FAM53A: variants seen among roughly 807,000 people sequenced by gnomAD.
FAM53A encodes the protein family with sequence similarity 53 member A.
A neutral mutation model predicts 26.6 loss-of-function variants in FAM53A; 28 were observed. That is an observed-to-expected ratio of 1.05 (90% CI 0.78 to 1.45). FAM53A has a LOEUF of 1.45. FAM53A is among the 40% of genes most tolerant of loss of function. The probability of loss-of-function intolerance (pLI) is 0.00; values close to 1 mark genes in which losing one functional copy is unlikely to be tolerated. For missense variants in FAM53A, 650 were observed against 575.8 expected, an observed-to-expected ratio of 1.13 and a Z score of -1.32; for synonymous variants, 290 against 253.1, an observed-to-expected ratio of 1.15 and a Z score of -1.38.
the FAM53A span, among the ~76,000 whole-genome samples, chr4:1,589,457 T>C: frequency 3.9e-5 from 6 of 152,184 alleles, no homozygotes. Flanking sequence ...TGCTTGCCCA[T>C]AAAATGAGGT....
chr4:1,676,475 T>C (rs1194933416), intron 1 of FAM53A, among the ~76,000 whole-genome samples: 2 of 152,198 alleles, frequency 1.3e-5, no homozygotes, highest in East Asian at 1.9e-4. Flanking sequence ...CATGTGACTG[T>C]TGGGGCCGGA....
At chr4:1,584,506 A>C in the FAM53A span, among the ~76,000 whole-genome samples, 1 of 152,266 alleles carries the variant, frequency 6.6e-6, no homozygotes, top group Non-Finnish European at 1.5e-5. Flanking sequence ...CACATTTTTG[A>C]GCATGAGTAA....
At chr4:1,606,350 T>C in the FAM53A span, among the ~76,000 whole-genome samples, 16 of 152,030 alleles carry the variant, frequency 1.1e-4, no homozygotes, top group Non-Finnish European at 2.2e-4. Context: ...CGGCCTCCTA[T>C]GACTCTTACT....
intron 1 of FAM53A, among the ~76,000 whole-genome samples, chr4:1,679,288 G>A (rs966497481): frequency 1.4e-5 from 2 of 148,010 alleles, no homozygotes; most frequent in Admixed American, 6.9e-5. Context: ...TCAGGAGGTC[G>A]AAGTAGAAGA....
chr4:1,596,765 G>C, the FAM53A span, among the ~76,000 whole-genome samples: 2 of 152,176 alleles, frequency 1.3e-5, no homozygotes, highest in African/African-American at 4.8e-5. Flanking sequence ...TCCTTTAAAA[G>C]GGGGAAAGAC....
chr4:1,579,885 C>G, the FAM53A span, among the ~76,000 whole-genome samples: 1 of 152,242 alleles, frequency 6.6e-6, no homozygotes, highest in Non-Finnish European at 1.5e-5. Context: ...CGTAAACTTC[C>G]TCCTAACAGC....
rs753838682 is a variant in FAM53A at position 1,630,921 on chromosome 4, C to T, written c.432-12810G>A. Among the ~76,000 whole-genome samples the T allele has an allele frequency of 7.2e-5, 11 of 152,192 alleles. No homozygotes were observed. The highest frequency in any genetic ancestry group is 1.0e-4 in the Non-Finnish European group (7 of 68,024). ...GGCTGGGCACCATGGCACGCGCCTG[C>T]AGTCCCAGCACTTTGGGAGGGTGAG... On this transcript the variant is annotated intron_variant, in intron 1 of 1. Coordinates refer to the FAM53A transcript ENST00000489029. This position sits in a 1 kb window ranked among gnomAD's most constrained non-coding sequence, Gnocchi z 4.3.
At chr4:1,575,509 G>C in the FAM53A span, among the ~76,000 whole-genome samples, 3 of 152,170 alleles carry the variant, frequency 2.0e-5, no homozygotes. Context: ...CCTGACAGAG[G>C]GGTGGCCTGG....
chr4:1,589,687 T>C, the FAM53A span, among the ~76,000 whole-genome samples: 1 of 152,204 alleles, frequency 6.6e-6, no homozygotes, highest in Non-Finnish European at 1.5e-5. Context: ...GTATTCGTTT[T>C]ATTTGGGCTT....
At chr4:1,652,390 C>A (rs1712924223) in intron 4 of FAM53A, among the ~76,000 whole-genome samples, 1 of 76,304 alleles carries the variant, frequency 1.3e-5, no homozygotes, top group African/African-American at 4.0e-5. Context: ...ACATCACATG[C>A]ACACCACACA....
chr4:1,606,169 G>A, the FAM53A span, among the ~76,000 whole-genome samples: 1 of 151,668 alleles, frequency 6.6e-6, no homozygotes, highest in Non-Finnish European at 1.5e-5. Flanking sequence ...CTCCTGAGTA[G>A]CTGGGACTAC....
At chr4:1,626,002 C>T (rs944134120) in intron 1 of FAM53A, among the ~76,000 whole-genome samples, 8 of 152,208 alleles carry the variant, frequency 5.3e-5, no homozygotes, top group African/African-American at 1.9e-4. Flanking sequence ...TCTGCAGAGC[C>T]TTCCAGGAGG....
intron 2 of FAM53A, among the ~76,000 whole-genome samples, chr4:1,664,251 TAC>T (rs1714062796): frequency 6.6e-6 from 1 of 152,214 alleles, no homozygotes; most frequent in Non-Finnish European, 1.5e-5. Flanking sequence ...GTGAGATATT[TAC>T]AGAGAAAGTA....
At chr4:1,576,048 G>A in the FAM53A span, among the ~76,000 whole-genome samples, 2 of 152,324 alleles carry the variant, frequency 1.3e-5, no homozygotes, top group Non-Finnish European at 2.9e-5. Context: ...GGCCTATGCG[G>A]TGAGTCCACC....
chr4:1,629,824 C>G (rs1398032316), intron 1 of FAM53A, among the ~76,000 whole-genome samples: 2 of 152,190 alleles, frequency 1.3e-5, no homozygotes, highest in Admixed American at 1.3e-4. Context: ...TGGGCCCACC[C>G]CGGCCCACCC....
At chr4:1,637,191 G>C (rs187967337), downstream of FAM53A, among the ~76,000 whole-genome samples, 1 of 152,096 alleles carries the variant, frequency 6.6e-6, no homozygotes. Flanking sequence ...ATGCTCGGGT[G>C]GGGGGTGGGG....
rs148225107 is a variant in FAM53A, at chr4:1,673,123, G to A, written c.-164-4218C>T. On this transcript the variant is annotated intron_variant, in intron 1 of 4. Coordinates refer to ENST00000308132, the MANE Select transcript of FAM53A (RefSeq NM_001174070.3). ...GAAATGTCAGACAATCTCAAAACAG[G>A]CCAACTCTACAAAATGACCAGCCAG... Among the ~76,000 whole-genome samples the A allele has an allele frequency of 3.9e-5, 6 of 152,256 alleles. No individual in the cohort carries two copies. In the East Asian group the frequency reaches 1.2e-3, roughly 29 times the overall value.
At chr4:1,578,662 A>T in the FAM53A span, among the ~76,000 whole-genome samples, 1 of 146,596 alleles carries the variant, frequency 6.8e-6, no homozygotes, top group South Asian at 2.2e-4. Context: ...CGACCCCCCT[A>T]CCCCGAACCG....
chr4:1,653,600 T>G (rs1198265614), intron 4 of FAM53A, among the ~76,000 whole-genome samples: 1 of 152,216 alleles, frequency 6.6e-6, no homozygotes, highest in East Asian at 1.9e-4. Flanking sequence ...CAGCATTTAC[T>G]GGCTTCCCCA....
Sources: allele counts gnomAD v4.1 joint callset (sites outside exome capture counted in the v4.1 genomes callset), GRCh38; gene constraint gnomAD v4.1.1; non-coding constraint Gnocchi (gnomAD v3.1); transcripts MANE v1.5; gene names NCBI Gene and HGNC (gene_info 2026-07-23, HGNC 2026-07-21).